Variants in HDAC9 observed in about 807,000 individuals in gnomAD.
HDAC9 encodes MEF-2 interacting transcription repressor (MITR) protein.
HDAC9 carries 41 observed loss-of-function variants against 139.4 expected under a neutral mutation model. That is an observed-to-expected ratio of 0.29 (90% confidence interval 0.23 to 0.38). The LOEUF (loss-of-function observed/expected upper bound fraction) is 0.38, where lower values mean the gene tolerates loss of function less well. Ranked by LOEUF, HDAC9 falls within the 10% of genes least tolerant of loss-of-function variation. The pLI is 1.00. For synonymous variants in HDAC9, 517 were observed against 476.2 expected (o/e 1.09, Z -1.12); for missense variants, 1,147 against 1,297.0 (o/e 0.88, Z 1.78).
chr7:18,733,029 A>G (rs1438481729), intron 13 of HDAC9, among the ~76,000 whole-genome samples: 83 of 145,736 alleles, frequency 5.7e-4, no homozygotes, highest in African/African-American at 2.0e-3. Flanking sequence ...GTATATATGT[A>G]TATATACAGA....
chr7:18,139,539 G>A (rs917517740), intron 1 of HDAC9, among the ~76,000 whole-genome samples: 5 of 152,164 alleles, frequency 3.3e-5, no homozygotes, highest in Non-Finnish European at 5.9e-5. Context: ...TCAGGGAAAA[G>A]TAAAGTGGCA....
At chr7:18,580,926 C>A (rs182311166) in intron 2 of HDAC9, among the ~76,000 whole-genome samples, 4 of 152,252 alleles carry the variant, frequency 2.6e-5, no homozygotes, top group Admixed American at 6.5e-5. Flanking sequence ...GCTTATTAGC[C>A]TGTCACAAAA....
At chr7:18,736,469 C>T (rs1337253840) in intron 13 of HDAC9, among the ~76,000 whole-genome samples, 2 of 152,060 alleles carry the variant, frequency 1.3e-5, no homozygotes, top group Non-Finnish European at 2.9e-5. Flanking sequence ...TGTCTAAGGC[C>T]TTTTCTGCAT....
chr7:18,184,657 A>G (rs1789763775), intron 2 of HDAC9, among the ~76,000 whole-genome samples: 1 of 152,226 alleles, frequency 6.6e-6, no homozygotes, highest in African/African-American at 2.4e-5. Context: ...CAAAATAGGT[A>G]TATTCAACTT....
intron 1 of HDAC9, among the ~76,000 whole-genome samples, chr7:18,401,628 A>G (rs1787552079): frequency 6.6e-6 from 1 of 152,152 alleles, no homozygotes; most frequent in South Asian, 2.1e-4. Context: ...GTGCTCAACA[A>G]CCTGCATTGG....
intron 8 of HDAC9, among the ~76,000 whole-genome samples, chr7:18,639,921 A>G (rs1367158009): frequency 1.3e-5 from 2 of 151,984 alleles, no homozygotes; most frequent in Non-Finnish European, 2.9e-5. Flanking sequence ...TATGAGTGGG[A>G]GAGCTCAAGT....
chr7:18,461,763 T>A (rs989619979), intron 1 of HDAC9, among the ~76,000 whole-genome samples: 5 of 152,186 alleles, frequency 3.3e-5, no homozygotes, highest in African/African-American at 1.2e-4. Context: ...ACTGTTAGAT[T>A]TTTTAAATAA....
chr7:18,416,433 A>G (rs568469919), intron 1 of HDAC9, among the ~76,000 whole-genome samples: 57 of 152,292 alleles, frequency 3.7e-4, no homozygotes, highest in African/African-American at 1.3e-3. Flanking sequence ...GGGGTTAGGT[A>G]GTATTACCTC....
intron 1 of HDAC9, among the ~76,000 whole-genome samples, chr7:18,128,421 C>T (rs1584211792): frequency 6.6e-6 from 1 of 152,040 alleles, no homozygotes; most frequent in East Asian, 1.9e-4. Context: ...GCTTTGTTGT[C>T]TGTAAAATCA....
At chr7:18,884,703 G>A (rs1173820076) in intron 22 of HDAC9, among the ~76,000 whole-genome samples, 1 of 152,154 alleles carries the variant, frequency 6.6e-6, no homozygotes, top group African/African-American at 2.4e-5. Flanking sequence ...GTTACCTTAG[G>A]CTGATGTTTT....
chr7:18,229,273 T>C (rs1169613140), intron 2 of HDAC9, among the ~76,000 whole-genome samples: 1 of 152,216 alleles, frequency 6.6e-6, no homozygotes, highest in Non-Finnish European at 1.5e-5. Flanking sequence ...GTGTCACATA[T>C]ACATGGTGTG....
chr7:18,685,674 C>A (rs146734495), intron 12 of HDAC9, among the ~76,000 whole-genome samples: 1 of 152,026 alleles, frequency 6.6e-6, no homozygotes, highest in African/African-American at 2.4e-5. Flanking sequence ...TGCTGATTTA[C>A]TATTTTTGAA....
In HDAC9 at chr7:18,884,052, G is replaced by A. The variant is rs970148468; in HGVS notation, c.2803+9456G>A. ...GTTGATGAAAAATATTGAAGAAGATGTAAGTAAATGGAGAGATATCCCCTG... is the reference window on the plus strand; with the variant it reads ...GTTGATGAAAAATATTGAAGAAGATATAAGTAAATGGAGAGATATCCCCTG... On this transcript the variant is annotated intron_variant, in intron 22 of 25. Coordinates refer to ENST00000686413, the MANE Select transcript of HDAC9 (RefSeq NM_178425.4). 3.3e-5 allele frequency among the ~76,000 whole-genome samples: 5 copies of A among 152,110 alleles called. No individual in the cohort carries two copies. In the East Asian group the frequency reaches 5.8e-4, roughly 18 times the overall value.
chr7:18,895,778 G>A (rs752146145), intron 22 of HDAC9, among the ~76,000 whole-genome samples: 11 of 152,110 alleles, frequency 7.2e-5, no homozygotes, highest in South Asian at 6.2e-4. Flanking sequence ...GTTGGAGTTC[G>A]CATTTGATCT....
At chr7:18,459,423 A>AAGG (rs1270028898) in intron 1 of HDAC9, among the ~76,000 whole-genome samples, 1 of 152,166 alleles carries the variant, frequency 6.6e-6, no homozygotes, top group Non-Finnish European at 1.5e-5. Flanking sequence ...GAGTAAATAA[A>AAGG]TAGCATTTTG....
rs1562893438 is a variant in HDAC9, at chr7:18,732,902, C to CACGT, written c.1909+5145_1909+5146insACGT. Among the ~76,000 whole-genome samples the CACGT allele has an allele frequency of 1.1e-4, 7 of 61,194 alleles. 2 individuals carry two copies. Among genetic ancestry groups the CACGT allele is most frequent in the African/African-American group, 8.0e-4 (7 of 8,792 alleles). 40.1% of individuals were successfully genotyped at this position (61,194 alleles called of 152,430 possible). A position where few individuals can be genotyped will look rare whatever the true frequency, so the allele number is the denominator to read the frequency against. On this transcript the variant is annotated intron_variant, in intron 13 of 25. Coordinates refer to ENST00000686413, the MANE Select transcript of HDAC9 (RefSeq NM_178425.4). ...ACGTGTGCGTATGTGTACACACACACGTGTGCGTATGTGTATACACACGTG... is the reference window on the plus strand; with the variant it reads ...ACGTGTGCGTATGTGTACACACACACACGTGTGTGCGTATGTGTATACACACGTG...
rs17139013 is a variant in HDAC9 at position 18,314,619 on chromosome 7, C to T, written c.-42+24104C>T. On this transcript the variant is annotated intron_variant, in intron 1 of 3. Coordinates refer to the HDAC9 transcript ENST00000413509. Reference sequence around the variant, plus strand: ...TTGTTCTTATATGTTCAGTGTCATACGCAGGCTTTTACTTATTGAAGAGTA... The same window carrying T: ...TTGTTCTTATATGTTCAGTGTCATATGCAGGCTTTTACTTATTGAAGAGTA... Among the ~76,000 whole-genome samples, 125 of 152,192 alleles carry T rather than the reference C, an allele frequency of 8.2e-4. 2 individuals are homozygous for T. In the East Asian group the frequency reaches 0.022, roughly 27 times the overall value.
chr7:18,902,511 C>T (rs930091919), intron 22 of HDAC9, among the ~76,000 whole-genome samples: 1 of 152,068 alleles, frequency 6.6e-6, no homozygotes, highest in African/African-American at 2.4e-5. Flanking sequence ...CCCAAAGATT[C>T]GTTTGGAATA....
intron 1 of HDAC9, among the ~76,000 whole-genome samples, chr7:18,107,186 T>C (rs1409534358): frequency 1.3e-5 from 2 of 152,188 alleles, no homozygotes; most frequent in Non-Finnish European, 2.9e-5. Context: ...TGTTTGCGCT[T>C]CCCAAATACT....
Sources: allele counts gnomAD v4.1 joint callset (sites outside exome capture counted in the v4.1 genomes callset), GRCh38; gene constraint gnomAD v4.1.1; transcripts MANE v1.5; gene names NCBI Gene and HGNC (gene_info 2026-07-23, HGNC 2026-07-21).